Variants in BTBD9 observed in about 807,000 individuals in gnomAD.
BTBD9 encodes the protein BTB/POZ domain-containing protein 9.
In BTBD9, 49 loss-of-function variants were observed where a neutral mutation model predicts 64.3. The ratio of observed to expected loss-of-function variants is 0.76; its 90% CI spans 0.61 to 0.97. The LOEUF (loss-of-function observed/expected upper bound fraction) is 0.97, where lower values mean the gene tolerates loss of function less well. Among genes scored for constraint, BTBD9 ranks in the 50% least tolerant of loss-of-function variants. The probability of loss-of-function intolerance (pLI) is 0.00; values close to 1 mark genes in which losing one functional copy is unlikely to be tolerated. For synonymous variants in BTBD9, 260 were observed against 274.7 expected (o/e 0.95, Z 0.53); for missense variants, 598 against 762.1 (o/e 0.78, Z 2.53).
chr6:38,293,316 T>G (rs1762031234), intron 7 of BTBD9, among the ~76,000 whole-genome samples: 1 of 152,146 alleles, frequency 6.6e-6, no homozygotes, highest in South Asian at 2.1e-4. Context: ...TAGAAAAAAC[T>G]ACTTTAAATT....
intron 6 of BTBD9, among the ~76,000 whole-genome samples, chr6:38,553,384 T>A (rs1157736103): frequency 6.6e-6 from 1 of 152,204 alleles, no homozygotes; most frequent in African/African-American, 2.4e-5. Context: ...GGGGGCAGGC[T>A]GGTCACTAAA....
At chr6:38,605,393 T>G (rs1442578337) in intron 1 of BTBD9, among the ~76,000 whole-genome samples, 1 of 152,124 alleles carries the variant, frequency 6.6e-6, no homozygotes, top group African/African-American at 2.4e-5. Flanking sequence ...CTCCTTCTCA[T>G]GATCTACATG....
rs186837374 is a variant in BTBD9, at chr6:38,282,347, C to T, written c.1454+5925G>A. Among the ~76,000 whole-genome samples the T allele has an allele frequency of 4.8e-3, 732 of 152,296 alleles. 3 individuals are homozygous for T. The highest frequency in any genetic ancestry group is 9.1e-3 in the Non-Finnish European group (616 of 68,028). ...ACCTAGCAACACCAAGGACAAACTC[C>T]TTTATTTCCCAGTTATGCTACCTTG... On this transcript the variant is annotated intron_variant, in intron 8 of 10. Coordinates refer to ENST00000481247, the MANE Select transcript of BTBD9 (RefSeq NM_001099272.2).
chr6:38,587,515 G>T, intron 4 of BTBD9: 1 of 565,328 alleles, frequency 1.8e-6, no homozygotes, highest in South Asian at 1.6e-5. Flanking sequence ...AGATGCAGAT[G>T]ACGATCTTAT....
intron 6 of BTBD9, among the ~76,000 whole-genome samples, chr6:38,567,769 G>A (rs1258023343): frequency 6.6e-6 from 1 of 152,152 alleles, no homozygotes; most frequent in East Asian, 1.9e-4. Context: ...TTATAATGAT[G>A]ACTGAGAAAG....
intron 6 of BTBD9, among the ~76,000 whole-genome samples, chr6:38,496,655 TAAA>T (rs951014301): frequency 5.6e-5 from 7 of 125,120 alleles, no homozygotes; most frequent in African/African-American, 5.9e-5. Context: ...CCCTGTCTCT[TAAA>T]AAAAAAAAAA....
At chr6:38,612,306 C>G (rs1028468860) in intron 1 of BTBD9, among the ~76,000 whole-genome samples, 2 of 152,204 alleles carry the variant, frequency 1.3e-5, no homozygotes, top group Admixed American at 1.3e-4. Context: ...AACTAATATT[C>G]AAGCCAACAA....
chr6:38,335,960 A>T (rs1309104372), intron 7 of BTBD9, among the ~76,000 whole-genome samples: 4 of 151,908 alleles, frequency 2.6e-5, no homozygotes, highest in Non-Finnish European at 5.9e-5. Flanking sequence ...GTCTCAAACT[A>T]CTGACCTCAG....
At chr6:38,548,274 A>C (rs540287103) in intron 6 of BTBD9, among the ~76,000 whole-genome samples, 1 of 152,316 alleles carries the variant, frequency 6.6e-6, no homozygotes, top group East Asian at 1.9e-4. Flanking sequence ...CCAGGCTGAA[A>C]CAATTCATTT....
intron 6 of BTBD9, among the ~76,000 whole-genome samples, chr6:38,486,600 A>T (rs1390317114): frequency 6.6e-6 from 1 of 152,204 alleles, no homozygotes; most frequent in Non-Finnish European, 1.5e-5. Flanking sequence ...GAATACACAC[A>T]TTTATCTATT....
At chr6:38,616,294 G>T (rs73414319) in intron 1 of BTBD9, among the ~76,000 whole-genome samples, 1 of 152,174 alleles carries the variant, frequency 6.6e-6, no homozygotes, top group Non-Finnish European at 1.5e-5. Flanking sequence ...TTTCAGCATA[G>T]TAAGACCCTG....
intron 6 of BTBD9, among the ~76,000 whole-genome samples, chr6:38,556,618 A>C (rs1178358259): frequency 3.3e-5 from 5 of 151,648 alleles, no homozygotes; most frequent in African/African-American, 1.2e-4. Context: ...CAGAATCCAA[A>C]GTCCAAAATA....
intron 9 of BTBD9, among the ~76,000 whole-genome samples, chr6:38,224,512 A>C (rs920718073): frequency 2.0e-5 from 3 of 152,218 alleles, no homozygotes; most frequent in African/African-American, 4.8e-5. Context: ...ATACTTAAGA[A>C]CCTCACACAA....
chr6:38,586,722 A>G (rs1776547950), intron 4 of BTBD9, among the ~76,000 whole-genome samples: 2 of 152,112 alleles, frequency 1.3e-5, no homozygotes, highest in Admixed American at 1.3e-4. Flanking sequence ...TTTTTCCCCT[A>G]ACAGTGAAGA....
At chr6:38,518,041 A>G (rs1348785920) in intron 6 of BTBD9, among the ~76,000 whole-genome samples, 4 of 152,350 alleles carry the variant, frequency 2.6e-5, no homozygotes, top group South Asian at 2.1e-4. Flanking sequence ...GACAAATATT[A>G]AAAAGTAGAA....
At chr6:38,389,423 T>G (rs1428553893) in intron 6 of BTBD9, among the ~76,000 whole-genome samples, 1 of 152,208 alleles carries the variant, frequency 6.6e-6, no homozygotes, top group East Asian at 1.9e-4. Flanking sequence ...TCTTTAACCC[T>G]TCAGCATCAA....
chr6:38,503,207 A>G (rs1772293978), intron 6 of BTBD9, among the ~76,000 whole-genome samples: 1 of 151,908 alleles, frequency 6.6e-6, no homozygotes, highest in African/African-American at 2.4e-5. Flanking sequence ...TCTCCTACCC[A>G]ATCCCCCATC....
At chr6:38,439,212 C>A (rs1489063795) in intron 6 of BTBD9, among the ~76,000 whole-genome samples, 16 of 150,476 alleles carry the variant, frequency 1.1e-4, no homozygotes, top group African/African-American at 3.9e-4. Flanking sequence ...CAACCTCCAC[C>A]TCCCAGGTTC....
intron 7 of BTBD9, among the ~76,000 whole-genome samples, chr6:38,344,001 T>C (rs1764193138): frequency 6.6e-6 from 1 of 152,162 alleles, no homozygotes; most frequent in Admixed American, 6.6e-5. Flanking sequence ...TGAACAAAAC[T>C]TGGGAAAGAG....
Sources: gnomAD v4.1 joint callset for allele counts (sites outside exome capture counted in the v4.1 genomes callset) on GRCh38, gnomAD v4.1.1 for gene constraint, MANE v1.5 for transcripts, NCBI Gene and HGNC (gene_info 2026-07-23, HGNC 2026-07-21) for gene names.